The following MYOF variants were observed in gnomAD, a reference collection of about 807,000 sequenced individuals.
The protein encoded by MYOF is myoferlin, also known as fer-1-like 3, myoferlin.
MYOF carries 244 observed loss-of-function variants against 284.2 expected under a neutral mutation model. That is an observed-to-expected ratio of 0.86 (90% CI 0.77 to 0.95). MYOF has a LOEUF of 0.95. Among genes scored for constraint, MYOF ranks in the 40% least tolerant of loss-of-function variants. The pLI is 0.00. For synonymous variants in MYOF, 904 were observed against 919.7 expected (o/e 0.98, Z 0.31); for missense variants, 2,496 against 2,560.6 (o/e 0.97, Z 0.54).
At chr10:93,366,789 T>C (rs765018902) in intron 25 of MYOF, among the ~76,000 whole-genome samples, 42 of 152,238 alleles carry the variant, frequency 2.8e-4, no homozygotes, top group Non-Finnish European at 4.6e-4. Flanking sequence ...AGGATAATGC[T>C]ACCTCTCCTA....
intron 5 of MYOF, among the ~76,000 whole-genome samples, chr10:93,411,649 G>T (rs1012478153): frequency 3.9e-5 from 6 of 152,176 alleles, no homozygotes; most frequent in Admixed American, 3.9e-4. Context: ...CCAAAGTGAG[G>T]AAGAGGCAGC....
In MYOF at chr10:93,399,436, T is replaced by A; in HGVS notation, c.1177A>T (p.Asn393Tyr). Residue 393 changes from asparagine (N) to tyrosine (Y), a missense_variant, in exon 13 of 54, where the codon AAT (asparagine) becomes TAT (tyrosine). Around this residue, in one of 3 missense-constraint regions of MYOF, gnomAD observed 2,436 missense variants for 2,480.7 expected, o/e 0.98. Transcript: ENST00000359263. ...EIFGGNADKK[N>Y]LVDPFVEVSF... ...ACTTCTACAAAAGGATCCACGAGAT[T>A]TTTCTTATCTGCATTGCCTCCAAAT... 6.2e-7 allele frequency: 1 copy of A among 1,613,964 alleles called. No individual in the cohort carries two copies. Among genetic ancestry groups the A allele is most frequent in the Non-Finnish European group, 8.5e-7 (1 of 1,179,942 alleles).
chr10:93,325,503 A>AGG (rs1564619254), intron 46 of MYOF, among the ~76,000 whole-genome samples: 9 of 152,184 alleles, frequency 5.9e-5, no homozygotes, highest in Non-Finnish European at 1.2e-4. Context: ...CAAGCACTCA[A>AGG]GGACTCTCTG....
At chr10:93,332,141 G>A (rs912081667) in intron 43 of MYOF, among the ~76,000 whole-genome samples, 1 of 152,126 alleles carries the variant, frequency 6.6e-6, no homozygotes, top group African/African-American at 2.4e-5. Context: ...CAGCTAATAA[G>A]TTTGACATGG....
chr10:93,445,854 G>T (rs879837658), intron 3 of MYOF, among the ~76,000 whole-genome samples: 1 of 152,168 alleles, frequency 6.6e-6, no homozygotes, highest in East Asian at 1.9e-4. Context: ...AAACCCTTCC[G>T]CCCCAACCCT....
intron 3 of MYOF, among the ~76,000 whole-genome samples, chr10:93,448,181 T>G (rs1186554732): frequency 6.6e-6 from 1 of 152,166 alleles, no homozygotes; most frequent in Non-Finnish European, 1.5e-5. Context: ...TGCTATTCTC[T>G]GCCCAGAATA....
chr10:93,382,469 T>A (rs947689215), intron 19 of MYOF, among the ~76,000 whole-genome samples: 3 of 152,200 alleles, frequency 2.0e-5, no homozygotes, highest in African/African-American at 7.2e-5. Flanking sequence ...ATAAGGAAAC[T>A]GGGTAAATTT....
chr10:93,397,673 A>C (rs1025066437), intron 13 of MYOF, among the ~76,000 whole-genome samples: 5 of 151,492 alleles, frequency 3.3e-5, no homozygotes, highest in African/African-American at 1.2e-4. Flanking sequence ...ACCTTTTTTT[A>C]ATTAGTTTTC....
intron 7 of MYOF, among the ~76,000 whole-genome samples, chr10:93,407,599 G>C (rs1375734806): frequency 2.0e-5 from 3 of 151,168 alleles, no homozygotes; most frequent in African/African-American, 7.3e-5. Context: ...TTAGCTGGGC[G>C]TGGTGGCGGG....
intron 9 of MYOF, among the ~76,000 whole-genome samples, chr10:93,403,354 C>T (rs1207710671): frequency 6.6e-6 from 1 of 152,178 alleles, no homozygotes; most frequent in Non-Finnish European, 1.5e-5. Flanking sequence ...AGGTGCTTTA[C>T]ACATACTATC....
chr10:93,307,783 C>T (rs967053769), intron 53 of MYOF, among the ~76,000 whole-genome samples: 2 of 151,244 alleles, frequency 1.3e-5, no homozygotes, highest in African/African-American at 2.4e-5. Context: ...CACCAACACG[C>T]TCTGCTAATT....
At chr10:93,394,715 C>T (rs1250397868) in intron 16 of MYOF, among the ~76,000 whole-genome samples, 1 of 150,148 alleles carries the variant, frequency 6.7e-6, no homozygotes, top group African/African-American at 2.4e-5. Flanking sequence ...CCACCTCAGC[C>T]TCCCAAAGTG....
intron 35 of MYOF, 32 bp downstream of exon 35, chr10:93,351,164 GA>G: frequency 6.3e-7 from 1 of 1,595,982 alleles, no homozygotes; most frequent in Non-Finnish European, 8.6e-7. Flanking sequence ...ACATCCGTTT[GA>G]TTTGATGAGT....
chr10:93,322,561 A>G (rs1041686915), intron 48 of MYOF, among the ~76,000 whole-genome samples: 3 of 152,248 alleles, frequency 2.0e-5, no homozygotes, highest in Non-Finnish European at 4.4e-5. Flanking sequence ...AATATTGAAC[A>G]ACAATGACAC....
intron 41 of MYOF, among the ~76,000 whole-genome samples, chr10:93,334,556 T>C (rs1014280535): frequency 6.6e-6 from 1 of 152,076 alleles, no homozygotes; most frequent in Non-Finnish European, 1.5e-5. Flanking sequence ...CATCACCCTA[T>C]CTCCAGGGCC....
intron 5 of MYOF, among the ~76,000 whole-genome samples, chr10:93,420,662 G>A (rs144107094): frequency 3.2e-4 from 49 of 152,308 alleles, no homozygotes; most frequent in African/African-American, 1.2e-3. Flanking sequence ...CTCCTCTGCA[G>A]GAGCCACTAT....
rs1842099308 is a variant in MYOF at position 93,306,457 on chromosome 10, A to T, written c.*506T>A. The T allele has an allele frequency of 6.5e-6, 1 of 152,712 alleles. No homozygotes were observed. The highest frequency in any genetic ancestry group is 2.1e-4 in the South Asian group (1 of 4,846). The allele number at this position is 152,712 out of a possible 1,614,324, so 9.5% of individuals were successfully genotyped here. A position where few individuals can be genotyped will look rare whatever the true frequency, so the allele number is the denominator to read the frequency against. On this transcript the variant is annotated 3_prime_UTR_variant, in exon 54 of 54. Transcript: ENST00000359263. ...AGGTGAAACATTTTTATTTAGTTTCATTACAGAGGTTAAATAGACTTTTAT... is the reference window on the plus strand; with the variant it reads ...AGGTGAAACATTTTTATTTAGTTTCTTTACAGAGGTTAAATAGACTTTTAT...
Position 93,374,946 on chromosome 10 carries a change from C to A in MYOF, c.2118G>T (p.Leu706Phe), listed in dbSNP as rs759222296. 21 of 1,611,612 alleles carry A rather than the reference C, an allele frequency of 1.3e-5. No homozygotes were observed. Among genetic ancestry groups the A allele is most frequent in the Non-Finnish European group, 1.7e-5 (20 of 1,179,342 alleles). ...DEVIEDTRYTLPLTEGKANVT... is the reference protein window; with the variant it reads ...DEVIEDTRYTFPLTEGKANVT... Reference sequence around the variant, plus strand: ...CGTTGGCTTTTCCTTCTGTGAGAGGCAACGTGTATCTAGAAAAATGAAGAA... The same window carrying A: ...CGTTGGCTTTTCCTTCTGTGAGAGGAAACGTGTATCTAGAAAAATGAAGAA... Residue 706 changes from leucine to phenylalanine, a missense_variant, in exon 23 of 54, where the codon TTG (leucine) becomes TTT (phenylalanine). Physicochemically the swap from Leu to Phe is conservative, Grantham distance 22 (BLOSUM62 0). This residue lies in a region of MYOF where 2,436 missense variants were observed against 2,480.7 expected (regional missense o/e 0.98). Coordinates refer to ENST00000359263, the MANE Select transcript of MYOF (RefSeq NM_013451.4).
intron 31 of MYOF, 97 bp downstream of exon 31, chr10:93,355,531 G>T: frequency 2.2e-6 from 2 of 929,984 alleles, no homozygotes; most frequent in Non-Finnish European, 3.2e-6. Context: ...AGCGAGCCAA[G>T]ATCGTACCAC....
Sources: gnomAD v4.1 joint callset for allele counts (sites outside exome capture counted in the v4.1 genomes callset) on GRCh38, gnomAD v4.1.1 for gene constraint, gnomAD v4.1.1 regional missense constraint, MANE v1.5 for transcripts, NCBI Gene and HGNC (gene_info 2026-07-23, HGNC 2026-07-21) for gene names.